Variants in ETS1 observed in about 807,000 individuals in gnomAD.
The protein encoded by ETS1 is ETS proto-oncogene 1, transcription factor.
ETS1 carries 15 observed loss-of-function variants against 58.6 expected under a neutral mutation model. The ratio of observed to expected loss-of-function variants is 0.26; its 90% CI spans 0.17 to 0.39. The LOEUF is 0.39. Ranked by LOEUF, ETS1 falls within the 10% of genes least tolerant of loss-of-function variation. The pLI is 1.00. For missense variants in ETS1, 417 were observed against 610.5 expected, an observed-to-expected ratio of 0.68 and a Z score of 3.34; for synonymous variants, 214 against 218.2, an observed-to-expected ratio of 0.98 and a Z score of 0.17.
At chr11:128,477,411 A>G (rs968575642) in intron 8 of ETS1, among the ~76,000 whole-genome samples, 13 of 152,216 alleles carry the variant, frequency 8.5e-5, no homozygotes, top group Admixed American at 7.2e-4. Context: ...TCATCTTAAC[A>G]TGTCTGCATA....
At chr11:128,581,074 A>AT (rs1012235070) in intron 1 of ETS1, among the ~76,000 whole-genome samples, 2 of 152,218 alleles carry the variant, frequency 1.3e-5, no homozygotes, top group African/African-American at 4.8e-5. Flanking sequence ...CTGGTATACC[A>AT]TAGCAGTTAA....
At chr11:128,528,561 A>G (rs1329515183) in intron 3 of ETS1, among the ~76,000 whole-genome samples, 1 of 152,178 alleles carries the variant, frequency 6.6e-6, no homozygotes, top group East Asian at 1.9e-4. Flanking sequence ...AAAGGCAGCA[A>G]CTGAGGTTCA....
At chr11:128,585,012 GA>G (rs1565420926) in intron 1 of ETS1, among the ~76,000 whole-genome samples, 12 of 11,596 alleles carry the variant, frequency 1.0e-3, no homozygotes, top group African/African-American at 5.9e-3. Context: ...GGAAAGAAAG[GA>G]AAGAAAGAAG....
chr11:128,490,846 G>A (rs1358888696), intron 3 of ETS1, among the ~76,000 whole-genome samples: 2 of 151,662 alleles, frequency 1.3e-5, no homozygotes, highest in East Asian at 3.9e-4. Context: ...AGCCTCCTGA[G>A]TAGCTAGGAT....
At position 128,556,349 on chromosome 11, in the gene ETS1, G is replaced by T. The variant is rs1053974089; in HGVS notation, c.156C>A (p.Pro52=). 6.2e-7 allele frequency: 1 copy of T among 1,613,542 alleles called. No individual in the cohort carries two copies. Among genetic ancestry groups the T allele is most frequent in the South Asian group, 1.1e-5 (1 of 91,066 alleles). ...SNYHQQRPCY[P]FWDEMATQEV... ...CCTGAGTTGCCATCTCATCCCAAAA[G>T]GGGTAGCAAGGTCTTTGCTGGTGAT... The change falls in exon 3 of 10, where the codon CCC becomes CCA. Residue 52 remains proline, a synonymous_variant. Coordinates refer to ENST00000392668, the MANE Select transcript of ETS1 (RefSeq NM_001143820.2).
intron 1 of ETS1, among the ~76,000 whole-genome samples, 185 bp from the exon 2 acceptor site, chr11:128,573,329 G>A (rs535558885): frequency 9.5e-4 from 144 of 152,320 alleles, no homozygotes; most frequent in Non-Finnish European, 1.8e-3. Context: ...GCACCGGTAA[G>A]AGCAGACCTC....
intron 8 of ETS1, among the ~76,000 whole-genome samples, chr11:128,473,799 A>G (rs1361843057): frequency 6.6e-6 from 1 of 152,184 alleles, no homozygotes; most frequent in Non-Finnish European, 1.5e-5. Flanking sequence ...GAGGCCGTCC[A>G]GAGAAAAGAA....
At chr11:128,481,855 T>C (rs1406759614) in intron 7 of ETS1, among the ~76,000 whole-genome samples, 1 of 152,226 alleles carries the variant, frequency 6.6e-6, no homozygotes, top group Non-Finnish European at 1.5e-5. Context: ...ATAAAATGTA[T>C]TCGGTTGAGT....
Position 128,480,432 on chromosome 11 carries a change from G to A in ETS1, c.882C>T (p.Asp294=). The change falls in exon 8 of 10, where the codon GAC becomes GAT. Residue 294 remains aspartate, a synonymous_variant. Coordinates refer to ENST00000392668, the MANE Select transcript of ETS1 (RefSeq NM_001143820.2). The stretch of plus-strand genomic sequence containing the variant: ...CGTAGCTCTCTATGCTTTCAAAAGA[G>A]TCCTGGCCCCCGAGTTTACCTGGAG... ...RTSRGKLGGQ[D]SFESIESYDS... 1 of 1,612,720 alleles carries A rather than the reference G, an allele frequency of 6.2e-7. No individual in the cohort carries two copies. Among genetic ancestry groups the A allele is most frequent in the Non-Finnish European group, 8.5e-7 (1 of 1,178,922 alleles).
intron 3 of ETS1, chr11:128,522,009 G>C (rs1863689558): frequency 6.3e-7 from 1 of 1,579,562 alleles, no homozygotes; most frequent in Non-Finnish European, 8.6e-7. Context: ...CCAGGAGTGG[G>C]GGACGTACGG....
chr11:128,488,872 G>A (rs537050679), intron 5 of ETS1, among the ~76,000 whole-genome samples: 1 of 152,304 alleles, frequency 6.6e-6, no homozygotes, highest in East Asian at 1.9e-4. Context: ...GCTTTCCCGG[G>A]ATGTGATGAG....
intron 3 of ETS1, among the ~76,000 whole-genome samples, chr11:128,522,896 G>C (rs536357954): frequency 1.6e-4 from 24 of 152,290 alleles, no homozygotes; most frequent in South Asian, 1.2e-3. Context: ...TCTTGAGTCA[G>C]GGCGTGTGTT....
rs1459712870 is a variant in ETS1 at position 128,489,289 on chromosome 11, C to G, written c.535+1G>C. 1 of 1,613,836 alleles carries G rather than the reference C, an allele frequency of 6.2e-7. No homozygotes were observed. ...ACCTCTCTCTGTTTCCACATATTTA[C>G]CTTTCTGCAGGATCTCTAGATGTTC... On this transcript the variant is annotated splice_donor_variant, in intron 5 of 9. Transcript: ENST00000392668. LOFTEE classifies it high-confidence loss of function.
At chr11:128,527,948 A>G (rs894372779) in intron 3 of ETS1, among the ~76,000 whole-genome samples, 1 of 152,196 alleles carries the variant, frequency 6.6e-6, no homozygotes, top group Non-Finnish European at 1.5e-5. Flanking sequence ...GCCCCAAAAG[A>G]CTAACATTTA....
Position 128,461,986 on chromosome 11 carries a change from T to G in ETS1, c.*375A>C. 5.7e-6 allele frequency: 1 copy of G among 176,002 alleles called. No individual in the cohort carries two copies. Among genetic ancestry groups the G allele is most frequent in the East Asian group, 1.4e-4 (1 of 7,102 alleles). The allele number at this position is 176,002 out of a possible 1,614,324, so 10.9% of individuals were successfully genotyped here. On this transcript the variant is annotated 3_prime_UTR_variant, in exon 10 of 10. Transcript: ENST00000392668. ...AATTGCCTTACATCAGTTTCATGAG[T>G]TCTGATGTGACAATGTCACTTGCTA...
chr11:128,560,044 C>T (rs140724816), intron 2 of ETS1, among the ~76,000 whole-genome samples: 151 of 152,274 alleles, frequency 9.9e-4, no homozygotes, highest in Non-Finnish European at 1.8e-3. Context: ...AGGTGATTGC[C>T]GAAAGGACCT....
chr11:128,473,529 G>A (rs1429337867), intron 8 of ETS1, among the ~76,000 whole-genome samples: 1 of 152,168 alleles, frequency 6.6e-6, no homozygotes, highest in Non-Finnish European at 1.5e-5. Flanking sequence ...TCACTGGCAG[G>A]GCCTGACTCC....
chr11:128,573,092 G>A lies in ETS1; in HGVS notation c.39C>T (p.Val13=), dbSNP rs1283010133. The part of the protein sequence containing the change: ...YFVDSAGSSP[V]PYSAPRPAVV... ...CTGCAGGACGAGGCGCTGAGTAAGG[G>A]ACGGGGCTGCTCCCAGCAGAATCCA... The change falls in exon 2 of 10, where the codon GTC becomes GTT. Residue 13 remains valine, a synonymous_variant. Coordinates refer to ENST00000392668, the MANE Select transcript of ETS1 (RefSeq NM_001143820.2). The A allele has an allele frequency of 3.1e-6, 5 of 1,603,302 alleles. No homozygotes were observed. In the South Asian group the frequency reaches 5.7e-5, roughly 18 times the overall value.
At position 128,586,910 on chromosome 11, in the gene ETS1, C is replaced by T. The variant is rs550756415; in HGVS notation, c.-15+578G>A. ...GAGACAACCGCGGCCCACACCCACACCATGTCTCAACAACAGACTTAGGAA... is the reference window on the plus strand; with the variant it reads ...GAGACAACCGCGGCCCACACCCACATCATGTCTCAACAACAGACTTAGGAA... On this transcript the variant is annotated intron_variant, in intron 1 of 9. Transcript: ENST00000392668. Among the ~76,000 whole-genome samples, 3 of 152,266 alleles carry T rather than the reference C, an allele frequency of 2.0e-5. No homozygotes were observed. The South Asian group carries it at 6.2e-4, about 32-fold the overall frequency.
Sources: allele counts gnomAD v4.1 joint callset (sites outside exome capture counted in the v4.1 genomes callset), GRCh38; gene constraint gnomAD v4.1.1; transcripts MANE v1.5; gene names NCBI Gene and HGNC (gene_info 2026-07-23, HGNC 2026-07-21).